The following RAB2A variants were observed in gnomAD, a reference collection of about 807,000 sequenced individuals.
RAB2A encodes RAB2A, member RAS oncogene family, also known as ras-related protein Rab-2A.
A neutral mutation model predicts 32.5 loss-of-function variants in RAB2A; 7 were observed. The observed-to-expected ratio is 0.22, with a 90% CI of 0.12 to 0.40. The LOEUF is 0.40. Ranked by LOEUF, RAB2A falls within the 10% of genes least tolerant of loss-of-function variation. RAB2A has a pLI of 1.00. For synonymous variants in RAB2A, 79 were observed against 85.2 expected (o/e 0.93, Z 0.40); for missense variants, 108 against 260.7 (o/e 0.41, Z 4.03).
intron 1 of RAB2A, among the ~76,000 whole-genome samples, chr8:60,548,518 AC>A (rs1252137917): frequency 4.3e-5 from 3 of 70,224 alleles, no homozygotes; most frequent in Non-Finnish European, 5.1e-5. Context: ...CGGGGGGCTG[AC>A]CCCCCCACCT....
In RAB2A at chr8:60,530,866, A is replaced by AT. The variant is rs1586064049; in HGVS notation, c.46+13617dup. On this transcript the variant is annotated intron_variant, in intron 1 of 7. Coordinates refer to ENST00000262646, the MANE Select transcript of RAB2A (RefSeq NM_002865.3). The stretch of plus-strand genomic sequence containing the variant: ...CTTGGCACAGGAAACAATGTGGTAG[A>AT]TTTTCCAAGCATGTATAGGTCACCT... Among the ~76,000 whole-genome samples, 3 of 149,730 alleles carry AT rather than the reference A, an allele frequency of 2.0e-5. No individual in the cohort carries two copies. The East Asian group carries it at 5.9e-4, about 30-fold the overall frequency.
chr8:60,599,060 CAAAA>C (rs1035575404), intron 6 of RAB2A, among the ~76,000 whole-genome samples: 1 of 142,644 alleles, frequency 7.0e-6, no homozygotes. Context: ...GGATTTGCAA[CAAAA>C]AAAAGTGAGT....
chr8:60,525,861 A>G (rs1167511464), intron 1 of RAB2A, among the ~76,000 whole-genome samples: 1 of 151,056 alleles, frequency 6.6e-6, no homozygotes, highest in Admixed American at 6.6e-5. Context: ...CCTTGTTTCA[A>G]AACAGGATTT....
At chr8:60,596,649 G>A (rs548372813) in intron 6 of RAB2A, among the ~76,000 whole-genome samples, 74 of 152,272 alleles carry the variant, frequency 4.9e-4, no homozygotes, top group African/African-American at 1.3e-3. Flanking sequence ...ACGGCCGGGC[G>A]CGGTGGCTCA....
At position 60,569,907 on chromosome 8, in the gene RAB2A, T is replaced by C. The variant is rs189882694; in HGVS notation, c.119-2139T>C. On this transcript the variant is annotated intron_variant, in intron 2 of 7. Transcript: ENST00000262646. The stretch of plus-strand genomic sequence containing the variant: ...GAATATTCTAGAATGTCTGTAGTTA[T>C]GTATGGAACCTACAGTAAGTTGGAA... 2.8e-3 allele frequency: 1,257 copies of C among 453,548 alleles called. 5 individuals are homozygous for C. The highest frequency in any genetic ancestry group is 3.9e-3 in the Non-Finnish European group (889 of 225,842). 28.1% of individuals were successfully genotyped at this position (453,548 alleles called of 1,614,324 possible).
At chr8:60,610,872 G>A (rs1193437583) in intron 6 of RAB2A, among the ~76,000 whole-genome samples, 1 of 152,040 alleles carries the variant, frequency 6.6e-6, no homozygotes, top group Non-Finnish European at 1.5e-5. Context: ...TATATAGATC[G>A]CCATCTACCA....
intron 1 of RAB2A, among the ~76,000 whole-genome samples, chr8:60,548,554 G>A (rs1478388573): frequency 1.6e-4 from 19 of 121,348 alleles, no homozygotes; most frequent in South Asian, 2.9e-4. Flanking sequence ...GCGGCTGGCC[G>A]GGCAGAGGGG....
chr8:60,544,409 C>G (rs1247518884), intron 1 of RAB2A, among the ~76,000 whole-genome samples: 2 of 151,976 alleles, frequency 1.3e-5, no homozygotes, highest in African/African-American at 4.8e-5. Context: ...GGAGATAATG[C>G]TCTCTTAGCT....
At chr8:60,617,751 A>C (rs677467) in intron 6 of RAB2A, among the ~76,000 whole-genome samples, 4 of 151,888 alleles carry the variant, frequency 2.6e-5, no homozygotes, top group Non-Finnish European at 5.9e-5. Context: ...TCTCAAAAAT[A>C]AATAAATAAA....
At chr8:60,592,384 G>T (rs10957148) in intron 6 of RAB2A, among the ~76,000 whole-genome samples, 1 of 152,124 alleles carries the variant, frequency 6.6e-6, no homozygotes, top group East Asian at 1.9e-4. Context: ...GGACTTCTTC[G>T]TGTTGCATGG....
chr8:60,547,410 G>T (rs1807750324), intron 1 of RAB2A, among the ~76,000 whole-genome samples: 1 of 152,198 alleles, frequency 6.6e-6, no homozygotes, highest in South Asian at 2.1e-4. Context: ...TGAGCTGTTG[G>T]CTATACCTCC....
chr8:60,604,447 T>G (rs927449989), intron 6 of RAB2A, among the ~76,000 whole-genome samples: 17 of 151,978 alleles, frequency 1.1e-4, no homozygotes, highest in Non-Finnish European at 2.4e-4. Flanking sequence ...TGAGCAGAGG[T>G]TGGAAGAGTG....
chr8:60,571,555 A>G (rs1808197905), intron 2 of RAB2A, among the ~76,000 whole-genome samples: 1 of 152,218 alleles, frequency 6.6e-6, no homozygotes, highest in East Asian at 1.9e-4. Flanking sequence ...CTGTCTGGGA[A>G]GTATGTTAAA....
At chr8:60,534,974 T>A (rs1256184138) in intron 1 of RAB2A, among the ~76,000 whole-genome samples, 1 of 152,184 alleles carries the variant, frequency 6.6e-6, no homozygotes, top group East Asian at 1.9e-4. Context: ...GTTTCATTTC[T>A]TGGAGAATTT....
chr8:60,581,119 G>A (rs1035105903), intron 3 of RAB2A, among the ~76,000 whole-genome samples: 4 of 152,118 alleles, frequency 2.6e-5, no homozygotes, highest in Admixed American at 6.6e-5. Context: ...CTAGTTTTTC[G>A]ATCCCATAAC....
intron 1 of RAB2A, among the ~76,000 whole-genome samples, chr8:60,541,667 C>T (rs369504155): frequency 2.6e-5 from 4 of 152,156 alleles, no homozygotes; most frequent in East Asian, 1.9e-4. Flanking sequence ...CCAGACTGGG[C>T]GACGAGCACA....
At chr8:60,560,112 AAG>A (rs143064396) in intron 2 of RAB2A, among the ~76,000 whole-genome samples, 7,303 of 152,198 alleles carry the variant, frequency 0.048, 423 homozygotes, top group African/African-American at 0.14. Context: ...TTTTTTGAGA[AAG>A]AGTCTCGTTT....
chr8:60,518,442 G>A (rs891451018), intron 1 of RAB2A, among the ~76,000 whole-genome samples: 3 of 151,932 alleles, frequency 2.0e-5, no homozygotes, highest in African/African-American at 7.3e-5. Flanking sequence ...GATCACCTGA[G>A]ATCAGGAGTT....
At chr8:60,576,220 T>C (rs1201921187) in intron 3 of RAB2A, 2 of 456,332 alleles carry the variant, frequency 4.4e-6, no homozygotes, top group Non-Finnish European at 4.4e-6. Flanking sequence ...ACTGTAAATA[T>C]TCTTTTCTGC....
Sources: gnomAD v4.1 joint callset for allele counts (sites outside exome capture counted in the v4.1 genomes callset) on GRCh38, gnomAD v4.1.1 for gene constraint, MANE v1.5 for transcripts, NCBI Gene and HGNC (gene_info 2026-07-23, HGNC 2026-07-21) for gene names.